The following WBP4 variants were observed in gnomAD, a reference collection of about 807,000 sequenced individuals.
WBP4 encodes WW domain-binding protein 4.
WBP4 carries 37 observed loss-of-function variants against 55.4 expected under a neutral mutation model. That is an observed-to-expected ratio of 0.67 (90% CI 0.51 to 0.88). The LOEUF is 0.88. Among genes scored for constraint, WBP4 ranks in the 40% least tolerant of loss-of-function variants. The probability of loss-of-function intolerance (pLI) is 0.00; values close to 1 mark genes in which losing one functional copy is unlikely to be tolerated. For synonymous variants in WBP4, 142 were observed against 140.2 expected, an observed-to-expected ratio of 1.01 and a Z score of -0.09; for missense variants, 398 against 420.8, an observed-to-expected ratio of 0.95 and a Z score of 0.47.
intron 5 of WBP4, among the ~76,000 whole-genome samples, chr13:41,069,763 AGCTAC>A (rs1412438987): frequency 1.3e-5 from 2 of 151,098 alleles, no homozygotes; most frequent in East Asian, 3.9e-4. Context: ...CTGTAATCCC[AGCTAC>A]CTGGGAGGCT....
intron 5 of WBP4, among the ~76,000 whole-genome samples, chr13:41,071,298 T>C (rs1878234872): frequency 6.6e-6 from 1 of 152,226 alleles, no homozygotes; most frequent in Non-Finnish European, 1.5e-5. Flanking sequence ...CTGTGGAAGT[T>C]CCAGTAACTT....
intron 2 of WBP4, among the ~76,000 whole-genome samples, chr13:41,063,777 G>A (rs1280905461): frequency 6.6e-6 from 1 of 152,052 alleles, no homozygotes; most frequent in East Asian, 1.9e-4. Context: ...TTTGTGTAGT[G>A]TAATCAACTT....
At chr13:41,075,976 G>T (rs1349513000) in intron 7 of WBP4, 68 bp from the exon 8 acceptor site, 2 of 1,473,302 alleles carry the variant, frequency 1.4e-6, no homozygotes, top group Middle Eastern at 1.9e-4. Flanking sequence ...AGTGATAAAT[G>T]TTATGTTGAA....
chr13:41,062,552 A>G (rs1877735450), intron 1 of WBP4, 92 bp from the exon 2 acceptor site: 25 of 1,123,198 alleles, frequency 2.2e-5, no homozygotes, highest in Non-Finnish European at 3.1e-5. Flanking sequence ...TAGCAGGGGC[A>G]TATATTTCAA....
chr13:41,073,009 A>G, intron 7 of WBP4, 152 bp downstream of exon 7: 1 of 608,840 alleles, frequency 1.6e-6, no homozygotes, highest in Non-Finnish European at 2.7e-6. Context: ...TTTAAAAACA[A>G]TACAGTGGAA....
At chr13:41,078,539 A>G (rs1878602617) in intron 8 of WBP4, among the ~76,000 whole-genome samples, 1 of 152,192 alleles carries the variant, frequency 6.6e-6, no homozygotes, top group Non-Finnish European at 1.5e-5. Context: ...TAAAAACCCT[A>G]GAAGGAGGCC....
intron 9 of WBP4, 95 bp downstream of exon 9, chr13:41,080,904 G>C (rs1878746790): frequency 7.4e-7 from 1 of 1,355,322 alleles, no homozygotes; most frequent in Non-Finnish European, 1.0e-6. Flanking sequence ...AGGATGCTGT[G>C]CTTATTAAAA....
intron 8 of WBP4, among the ~76,000 whole-genome samples, chr13:41,079,009 A>G (rs1878637982): frequency 6.6e-6 from 1 of 152,096 alleles, no homozygotes; most frequent in African/African-American, 2.4e-5. Flanking sequence ...AACAATTAAC[A>G]GGGTAAATAA....
chr13:41,080,515 T>C (rs1048198645), intron 8 of WBP4, 131 bp from the exon 9 acceptor site: 11 of 667,048 alleles, frequency 1.6e-5, no homozygotes, highest in Admixed American at 3.6e-5. Context: ...ATATTTATTG[T>C]GTTATGTGCA....
At chr13:41,061,760 C>G (rs892255298) in intron 1 of WBP4, 85 bp downstream of exon 1, 2 of 1,597,464 alleles carry the variant, frequency 1.3e-6, no homozygotes, top group Non-Finnish European at 1.7e-6. Flanking sequence ...TCCTCTCCTC[C>G]CGCCCTTCGG....
intron 5 of WBP4, among the ~76,000 whole-genome samples, chr13:41,069,029 A>G (rs1320221267): frequency 1.3e-5 from 2 of 152,230 alleles, no homozygotes; most frequent in Non-Finnish European, 2.9e-5. Context: ...ACATGGAAAT[A>G]AAGAATTTTG....
intron 9 of WBP4, among the ~76,000 whole-genome samples, chr13:41,081,405 G>A (rs1878770813): frequency 6.6e-6 from 1 of 151,344 alleles, no homozygotes; most frequent in South Asian, 2.1e-4. Context: ...GGCTGAGGTG[G>A]GAGGATTACT....
intron 9 of WBP4, among the ~76,000 whole-genome samples, chr13:41,081,851 G>T (rs1878793453): frequency 6.6e-6 from 1 of 152,200 alleles, no homozygotes; most frequent in Non-Finnish European, 1.5e-5. Context: ...GCCTTCTGCA[G>T]AGCTCCATTC....
intron 7 of WBP4, among the ~76,000 whole-genome samples, chr13:41,075,455 C>T (rs565248563): frequency 2.0e-5 from 3 of 152,180 alleles, no homozygotes; most frequent in Non-Finnish European, 4.4e-5. Context: ...AATCATGATT[C>T]ACTGCAGCCT....
At chr13:41,063,160 C>G (rs1430744423) in intron 2 of WBP4, among the ~76,000 whole-genome samples, 3 of 152,140 alleles carry the variant, frequency 2.0e-5, no homozygotes, top group African/African-American at 7.2e-5. Context: ...TGAAAGAACA[C>G]CATTATTTCC....
At chr13:41,070,049 CAG>C (rs1375766470) in intron 5 of WBP4, among the ~76,000 whole-genome samples, 1 of 152,028 alleles carries the variant, frequency 6.6e-6, no homozygotes, top group Non-Finnish European at 1.5e-5. Flanking sequence ...TCTTACTCTC[CAG>C]AGTCATAAAA....
intron 2 of WBP4, 48 bp downstream of exon 2, chr13:41,062,764 G>A (rs1877755871): frequency 6.5e-7 from 1 of 1,533,060 alleles, no homozygotes; most frequent in South Asian, 1.2e-5. Context: ...TGTGTTGAAT[G>A]AAGTGCTCCT....
At chr13:41,062,564 C>T in intron 1 of WBP4, 80 bp from the exon 2 acceptor site, 1 of 1,343,948 alleles carries the variant, frequency 7.4e-7, no homozygotes, top group Non-Finnish European at 1.0e-6. Flanking sequence ...ATATTTCAAA[C>T]TTTAAAAACT....
At chr13:41,072,967 T>C in intron 7 of WBP4, 110 bp downstream of exon 7, 1 of 755,782 alleles carries the variant, frequency 1.3e-6, no homozygotes, top group Non-Finnish European at 2.1e-6. Context: ...AATAAACATA[T>C]TTGTGTAGTA....
Sources: allele counts gnomAD v4.1 joint callset (sites outside exome capture counted in the v4.1 genomes callset), GRCh38; gene constraint gnomAD v4.1.1; transcripts MANE v1.5; gene names NCBI Gene and HGNC (gene_info 2026-07-23, HGNC 2026-07-21).